The following CYYR1 variants were observed in gnomAD, a reference collection of about 807,000 sequenced individuals.
The protein encoded by CYYR1 is cysteine and tyrosine rich 1, also known as cysteine and tyrosine-rich protein 1.
In CYYR1, 14 loss-of-function variants were observed where a neutral mutation model predicts 15.2. The ratio of observed to expected loss-of-function variants is 0.92; its 90% confidence interval spans 0.61 to 1.44. The LOEUF is 1.44. Ranked by LOEUF, CYYR1 falls within the 40% of genes most tolerant of loss-of-function variation. The pLI is 0.00. For synonymous variants in CYYR1, 80 were observed against 77.4 expected (o/e 1.03, Z -0.18); for missense variants, 228 against 209.5 (o/e 1.09, Z -0.54).
intron 2 of CYYR1, among the ~76,000 whole-genome samples, chr21:26,513,397 C>G (rs773770568): frequency 6.6e-6 from 1 of 152,168 alleles, no homozygotes; most frequent in Admixed American, 6.5e-5. Context: ...GGAGCCATGC[C>G]AACCCTCAAT....
At chr21:26,542,461 A>C (rs1978642475) in intron 2 of CYYR1, among the ~76,000 whole-genome samples, 1 of 152,178 alleles carries the variant, frequency 6.6e-6, no homozygotes, top group Admixed American at 6.5e-5. Flanking sequence ...TTCAACCTCC[A>C]TTCATTACAG....
At chr21:26,475,264 GCTT>G (rs1169995582) in intron 3 of CYYR1, among the ~76,000 whole-genome samples, 2 of 151,484 alleles carry the variant, frequency 1.3e-5, no homozygotes, top group African/African-American at 4.9e-5. Context: ...CAGAAGACTT[GCTT>G]CTTATTTCAC....
chr21:26,562,812 A>C (rs1942777931), intron 2 of CYYR1, among the ~76,000 whole-genome samples: 1 of 151,418 alleles, frequency 6.6e-6, no homozygotes, highest in South Asian at 2.1e-4. Context: ...ACACACACAC[A>C]CACACACACA....
intron 2 of CYYR1, among the ~76,000 whole-genome samples, chr21:26,525,564 T>A (rs1482515215): frequency 6.6e-6 from 1 of 152,224 alleles, no homozygotes; most frequent in Non-Finnish European, 1.5e-5. Context: ...TGAAGATATT[T>A]ATCTCATTTT....
intron 2 of CYYR1, chr21:26,483,412 C>CAAAAAAA (rs10533983): frequency 1.2e-6 from 1 of 821,916 alleles, no homozygotes; most frequent in Non-Finnish European, 1.5e-6. Context: ...TCTCTCCTAT[C>CAAAAAAA]AAAAAAAAAA....
chr21:26,555,129 C>T (rs1201076310), intron 2 of CYYR1, among the ~76,000 whole-genome samples: 1 of 152,128 alleles, frequency 6.6e-6, no homozygotes, highest in Non-Finnish European at 1.5e-5. Flanking sequence ...CTTCCTATCA[C>T]AAAACTACTG....
intron 2 of CYYR1, chr21:26,482,572 T>C: frequency 1.1e-6 from 1 of 930,124 alleles, no homozygotes; most frequent in South Asian, 4.9e-5. Context: ...TGAAGCACGT[T>C]CCTGAATGGC....
intron 2 of CYYR1, among the ~76,000 whole-genome samples, chr21:26,537,782 A>G (rs1217953039): frequency 6.6e-6 from 1 of 152,116 alleles, no homozygotes; most frequent in African/African-American, 2.4e-5. Flanking sequence ...CTAATCACCC[A>G]TTTGATGGTA....
intron 2 of CYYR1, among the ~76,000 whole-genome samples, chr21:26,498,953 A>T (rs2123469349): frequency 6.6e-6 from 1 of 152,304 alleles, no homozygotes; most frequent in East Asian, 1.9e-4. Flanking sequence ...CATGGGGATT[A>T]TGGGAACTAC....
intron 2 of CYYR1, among the ~76,000 whole-genome samples, chr21:26,555,639 G>A: frequency 6.6e-6 from 1 of 152,122 alleles, no homozygotes; most frequent in East Asian, 1.9e-4. Context: ...GAGTCACAGA[G>A]TTACCATCGG....
At chr21:26,482,158 G>T (rs1440068901) in intron 2 of CYYR1, 2 of 447,608 alleles carry the variant, frequency 4.5e-6, no homozygotes, top group Non-Finnish European at 5.9e-6. Flanking sequence ...ATTTATCCTT[G>T]GTTAAATCAG....
chr21:26,565,340 CCGTTT>C (rs1033277248), intron 2 of CYYR1, among the ~76,000 whole-genome samples: 7 of 152,114 alleles, frequency 4.6e-5, no homozygotes, highest in Non-Finnish European at 1.0e-4. Context: ...CTAATGTTTC[CCGTTT>C]CCACTTGAGC....
chr21:26,501,584 T>C (rs1280430020), intron 2 of CYYR1, among the ~76,000 whole-genome samples: 2 of 152,238 alleles, frequency 1.3e-5, no homozygotes, highest in Non-Finnish European at 1.5e-5. Context: ...AACTGAAAAC[T>C]GGAATTGAAA....
At position 26,467,813 on chromosome 21, in the gene CYYR1, T is replaced by G; in HGVS notation, c.*688A>C. ...TTTCTGTTGTATTCACTCCTGGACA[T>G]ATAGAAATTCACTTCACACCCACCT... On this transcript the variant is annotated 3_prime_UTR_variant, in exon 4 of 4. Transcript: ENST00000652641. The G allele has an allele frequency of 6.5e-6, 1 of 153,576 alleles. No homozygotes were observed. Among genetic ancestry groups the G allele is most frequent in the Non-Finnish European group, 1.5e-5 (1 of 68,928 alleles). 9.5% of individuals were successfully genotyped at this position (153,576 alleles called of 1,614,324 possible).
intron 2 of CYYR1, among the ~76,000 whole-genome samples, chr21:26,501,167 A>G (rs929796904): frequency 6.6e-6 from 1 of 152,076 alleles, no homozygotes; most frequent in Non-Finnish European, 1.5e-5. Context: ...GTGAAACCCC[A>G]TCTCTACTAA....
rs755048541 is a variant in CYYR1 at position 26,573,135 on chromosome 21, G to T, written c.-195C>A. On this transcript the variant is annotated 5_prime_UTR_variant, in exon 1 of 4. Transcript: ENST00000652641. ...CGGGCCAGCGACTGCGGGACTCCGC[G>T]GAGCTGGGGCGCCCGTGGCCCGAGA... is the stretch of plus-strand genomic sequence containing the variant. 1.6e-5 allele frequency: 24 copies of T among 1,493,002 alleles called. No homozygotes were observed. In the African/African-American group the frequency reaches 1.9e-4, roughly 12 times the overall value. The allele number at this position is 1,493,002 out of a possible 1,614,324, so 92.5% of individuals were successfully genotyped here.
chr21:26,515,453 G>A (rs888024239), intron 2 of CYYR1, among the ~76,000 whole-genome samples: 1 of 151,934 alleles, frequency 6.6e-6, no homozygotes, highest in Non-Finnish European at 1.5e-5. Context: ...TCAACCACTG[G>A]CGTTCAAGTG....
intron 3 of CYYR1, 104 bp from the exon 4 acceptor site, chr21:26,468,738 G>T: frequency 1.2e-6 from 1 of 866,620 alleles, no homozygotes; most frequent in Non-Finnish European, 1.8e-6. Context: ...CATAAATTGT[G>T]GCTGCAAAAA....
rs969502419 is a variant in CYYR1 at position 26,504,158 on chromosome 21, C to T, written c.177-23729G>A. 2.0e-5 allele frequency among the ~76,000 whole-genome samples: 3 copies of T among 152,150 alleles called. No homozygotes were observed. The South Asian group carries it at 6.2e-4, about 32-fold the overall frequency. On this transcript the variant is annotated intron_variant, in intron 2 of 3. Coordinates refer to ENST00000652641, the MANE Select transcript of CYYR1 (RefSeq NM_001320768.2). ...GTCCAAGTATCTCACGATATGATGG[C>T]AGAATTTGTCACCAGTAACAGACAC...
Sources: allele counts gnomAD v4.1 joint callset (sites outside exome capture counted in the v4.1 genomes callset), GRCh38; gene constraint gnomAD v4.1.1; transcripts MANE v1.5; gene names NCBI Gene and HGNC (gene_info 2026-07-23, HGNC 2026-07-21).